The following C10orf90 variants were observed in gnomAD, a reference collection of about 807,000 sequenced individuals.
The protein encoded by C10orf90 is chromosome 10 open reading frame 90.
Under a neutral mutation model 62.5 loss-of-function variants are expected in C10orf90, and 56 were observed. The ratio of observed to expected loss-of-function variants is 0.90; its 90% CI spans 0.72 to 1.12. The LOEUF (loss-of-function observed/expected upper bound fraction) is 1.12, where lower values mean the gene tolerates loss of function less well. C10orf90 is among the 50% of genes most tolerant of loss of function. The probability of loss-of-function intolerance (pLI) is 0.00; values close to 1 mark genes in which losing one functional copy is unlikely to be tolerated. For missense variants in C10orf90, 970 were observed against 880.4 expected (o/e 1.10, Z -1.29); for synonymous variants, 386 against 340.4 (o/e 1.13, Z -1.47).
chr10:126,438,140 G>C (rs1858040947), intron 7 of C10orf90, among the ~76,000 whole-genome samples: 1 of 152,154 alleles, frequency 6.6e-6, no homozygotes, highest in South Asian at 2.1e-4. Flanking sequence ...TGCATTGTTA[G>C]GCAAGCTTCC....
chr10:126,464,948 G>A lies in C10orf90; in HGVS notation c.1573C>T (p.Gln525Ter). The change falls in exon 5 of 10, where the codon CAA becomes TAA. Residue 525 changes from glutamine (Q) to a stop codon, truncating the protein, a stop_gained. Coordinates refer to ENST00000488181, the MANE Select transcript of C10orf90 (RefSeq NM_001350921.2). LOFTEE classifies it high-confidence loss of function. The stretch of plus-strand genomic sequence containing the variant: ...GACACAGTCATACATACTTCTCCTT[G>A]TTGCCTCTTGCTGCTTCCAGAAAAT... Reference protein sequence around the residue: ...KVFSGSSKRQQGEVCMTVSAP... With the variant: ...KVFSGSSKRQ The A allele has an allele frequency of 6.3e-7, 1 of 1,597,364 alleles. No individual in the cohort carries two copies. The highest frequency in any genetic ancestry group is 8.6e-7 in the Non-Finnish European group (1 of 1,165,936).
chr10:126,452,143 A>G (rs1232004947), intron 7 of C10orf90, among the ~76,000 whole-genome samples: 1 of 152,184 alleles, frequency 6.6e-6, no homozygotes, highest in Non-Finnish European at 1.5e-5. Flanking sequence ...TAATTTCACA[A>G]TATGTACATA....
intron 4 of C10orf90, among the ~76,000 whole-genome samples, chr10:126,467,566 GGCATTTCCATTCACTGGACGGGC>G (rs944929995): frequency 6.6e-6 from 1 of 152,086 alleles, no homozygotes; most frequent in African/African-American, 2.4e-5. Flanking sequence ...ACTTATCCCG[GGCATTTCCATTCACTGGACGGGC>G]GCTTAAAGCC....
At chr10:126,471,280 G>A (rs1860573256) in intron 4 of C10orf90, among the ~76,000 whole-genome samples, 1 of 152,222 alleles carries the variant, frequency 6.6e-6, no homozygotes, top group South Asian at 2.1e-4. Context: ...CAGCGGGGCT[G>A]GAGGAAGCAG....
chr10:126,518,556 A>C (rs1564852112), intron 2 of C10orf90, among the ~76,000 whole-genome samples: 2 of 152,170 alleles, frequency 1.3e-5, no homozygotes, highest in East Asian at 1.9e-4. Context: ...ATAGAAAAAA[A>C]AAACAAACAT....
At chr10:126,498,354 C>A (rs1246603154) in intron 4 of C10orf90, among the ~76,000 whole-genome samples, 1 of 152,168 alleles carries the variant, frequency 6.6e-6, no homozygotes, top group Non-Finnish European at 1.5e-5. Context: ...CAAGTCACTG[C>A]CCCCACTCCT....
intron 4 of C10orf90, among the ~76,000 whole-genome samples, chr10:126,497,287 G>A (rs2133859587): frequency 6.6e-6 from 1 of 152,174 alleles, no homozygotes; most frequent in East Asian, 1.9e-4. Flanking sequence ...AGCGAGACAG[G>A]ATGGTATTGG....
chr10:126,656,807 T>C (rs1306960244), intron 1 of C10orf90, among the ~76,000 whole-genome samples: 1 of 152,228 alleles, frequency 6.6e-6, no homozygotes, highest in Non-Finnish European at 1.5e-5. Context: ...ATGAACTGTA[T>C]GCTTCAAAAA....
At position 126,623,193 on chromosome 10, in the gene C10orf90, T is replaced by G. The variant is rs938237034; in HGVS notation, c.313+23372A>C. Among the ~76,000 whole-genome samples the G allele has an allele frequency of 2.0e-5, 3 of 152,278 alleles. No individual in the cohort carries two copies. The East Asian group carries it at 5.8e-4, about 30-fold the overall frequency. ...GGCTTTCCCTGCTCAAAATCTTTCT[T>G]GGGCTTTGGACTTCACCATGAGTAT... On this transcript the variant is annotated intron_variant, in intron 2 of 9. Transcript: ENST00000488181.
intron 1 of C10orf90, among the ~76,000 whole-genome samples, chr10:126,651,473 T>C (rs761707264): frequency 6.6e-6 from 1 of 152,038 alleles, no homozygotes; most frequent in Non-Finnish European, 1.5e-5. Context: ...CTTTTTAAAA[T>C]CCAAAAAAAA....
rs146559413 is a variant in C10orf90, at chr10:126,512,926, C to T, written c.405+922G>A. On this transcript the variant is annotated intron_variant, in intron 3 of 9. Coordinates refer to ENST00000488181, the MANE Select transcript of C10orf90 (RefSeq NM_001350921.2). Reference sequence around the variant, plus strand: ...AGGAAATGTTGAGCTTTATTAAATACGGAGCTAAATCAAAGTAATACCTAA... The same window carrying T: ...AGGAAATGTTGAGCTTTATTAAATATGGAGCTAAATCAAAGTAATACCTAA... Among the ~76,000 whole-genome samples, 20 of 152,222 alleles carry T rather than the reference C, an allele frequency of 1.3e-4. No homozygotes were observed. In the East Asian group the frequency reaches 1.7e-3, roughly 13 times the overall value.
chr10:126,633,891 A>T (rs899945194), intron 2 of C10orf90, among the ~76,000 whole-genome samples: 1 of 152,236 alleles, frequency 6.6e-6, no homozygotes, highest in African/African-American at 2.4e-5. Flanking sequence ...AGAATTAGTC[A>T]TTACTCATTG....
chr10:126,653,893 ATCT>A (rs566760940), intron 1 of C10orf90, among the ~76,000 whole-genome samples: 38 of 152,298 alleles, frequency 2.5e-4, no homozygotes, highest in African/African-American at 8.7e-4. Flanking sequence ...AACAACACTA[ATCT>A]TCTTGTACAT....
chr10:126,470,905 A>G (rs1564815848), intron 4 of C10orf90, among the ~76,000 whole-genome samples: 1 of 152,192 alleles, frequency 6.6e-6, no homozygotes, highest in Non-Finnish European at 1.5e-5. Flanking sequence ...TTTTGTCTGC[A>G]GGTTAAAACT....
At position 126,479,048 on chromosome 10, in the gene C10orf90, G is replaced by GTTC. The variant is rs571845578; in HGVS notation, c.1535-14063_1535-14062insGAA. Among the ~76,000 whole-genome samples, 383 of 152,268 alleles carry GTTC rather than the reference G, an allele frequency of 2.5e-3. 3 individuals carry two copies. Among genetic ancestry groups the GTTC allele is most frequent in the African/African-American group, 8.4e-3 (351 of 41,560 alleles). ...TGGACACCAAAATTTGCACTAGGGT[G>GTTC]GGGAATGGGGCTGAGAAGCATATAG... On this transcript the variant is annotated intron_variant, in intron 4 of 9. Transcript: ENST00000488181.
intron 1 of C10orf90, among the ~76,000 whole-genome samples, chr10:126,649,868 T>C (rs1322551159): frequency 6.6e-6 from 1 of 151,848 alleles, no homozygotes; most frequent in Non-Finnish European, 1.5e-5. Context: ...AGCACCATGG[T>C]GGGTGTTAAT....
intron 2 of C10orf90, among the ~76,000 whole-genome samples, chr10:126,516,561 C>T (rs371740307): frequency 6.6e-6 from 1 of 152,186 alleles, no homozygotes; most frequent in Admixed American, 6.5e-5. Flanking sequence ...CATAACCAGC[C>T]CTTAGTGCAA....
intron 2 of C10orf90, among the ~76,000 whole-genome samples, chr10:126,580,082 C>T (rs1467288204): frequency 6.6e-6 from 1 of 152,092 alleles, no homozygotes; most frequent in Non-Finnish European, 1.5e-5. Context: ...AAGGGTAGAC[C>T]CCTGATCAGT....
At chr10:126,547,057 C>T (rs902401031) in intron 2 of C10orf90, among the ~76,000 whole-genome samples, 1 of 152,084 alleles carries the variant, frequency 6.6e-6, no homozygotes, top group African/African-American at 2.4e-5. Context: ...TGCAATGAGC[C>T]AAGATCGTGC....
Sources: gnomAD v4.1 joint callset for allele counts (sites outside exome capture counted in the v4.1 genomes callset) on GRCh38, gnomAD v4.1.1 for gene constraint, MANE v1.5 for transcripts, NCBI Gene and HGNC (gene_info 2026-07-23, HGNC 2026-07-21) for gene names.